The following TMEM67 variants were observed in gnomAD, a reference collection of about 807,000 sequenced individuals.
The protein encoded by TMEM67 is meckelin.
TMEM67 carries 124 observed loss-of-function variants against 136.6 expected under a neutral mutation model. That is an observed-to-expected ratio of 0.91 (90% CI 0.78 to 1.05). The LOEUF (loss-of-function observed/expected upper bound fraction) is 1.05, where lower values mean the gene tolerates loss of function less well. Ranked by LOEUF, TMEM67 falls within the 50% of genes least tolerant of loss-of-function variation. TMEM67 has a pLI of 0.00. For missense variants in TMEM67, 1,107 were observed against 1,178.4 expected (o/e 0.94, Z 0.89); for synonymous variants, 364 against 390.5 (o/e 0.93, Z 0.80).
At chr8:93,788,210 C>T (rs1196543934) in intron 14 of TMEM67, among the ~76,000 whole-genome samples, 1 of 152,068 alleles carries the variant, frequency 6.6e-6, no homozygotes, top group East Asian at 1.9e-4. Flanking sequence ...TGTTAGGGAT[C>T]CTGGGATATG....
Position 93,816,958 on chromosome 8 carries a change from G to A in TMEM67, c.*506G>A, listed in dbSNP as rs1309364324. 6.6e-6 allele frequency: 1 copy of A among 152,600 alleles called. No homozygotes were observed. Among genetic ancestry groups the A allele is most frequent in the African/African-American group, 2.4e-5 (1 of 41,424 alleles). The allele number at this position is 152,600 out of a possible 1,614,324, so 9.5% of individuals were successfully genotyped here. A position where few individuals can be genotyped will look rare whatever the true frequency, so the allele number is the denominator to read the frequency against. On this transcript the variant is annotated 3_prime_UTR_variant, in exon 28 of 28. Transcript: ENST00000453321. ...AATTGTATTATTGCTGATTCAATTT[G>A]CATCATTCTAATTGCTCATCCTCTT...
intron 3 of TMEM67, among the ~76,000 whole-genome samples, chr8:93,763,438 T>C (rs1414771460): frequency 6.6e-6 from 1 of 152,198 alleles, no homozygotes; most frequent in Non-Finnish European, 1.5e-5. Flanking sequence ...TAGATACTAC[T>C]AAAAGCCTTC....
At chr8:93,779,742 G>T (rs1206589573) in intron 7 of TMEM67, among the ~76,000 whole-genome samples, 2 of 152,146 alleles carry the variant, frequency 1.3e-5, no homozygotes, top group African/African-American at 4.8e-5. Context: ...CCTTCCTCTG[G>T]AAGCTTCGTC....
intron 18 of TMEM67, 31 bp downstream of exon 18, chr8:93,796,018 A>T (rs774338865): frequency 2.2e-6 from 3 of 1,393,574 alleles, no homozygotes; most frequent in Admixed American, 3.4e-5. Flanking sequence ...TACCAAATTT[A>T]AAAGGCCTGC....
intron 3 of TMEM67, among the ~76,000 whole-genome samples, 183 bp from the exon 4 acceptor site, chr8:93,763,659 C>T (rs1428053097): frequency 1.3e-5 from 2 of 151,916 alleles, no homozygotes; most frequent in African/African-American, 4.8e-5. Context: ...TGGACGGGTA[C>T]GAAGGGATCA....
chr8:93,786,552 A>T (rs892212783), intron 13 of TMEM67, among the ~76,000 whole-genome samples: 1 of 152,228 alleles, frequency 6.6e-6, no homozygotes, highest in Non-Finnish European at 1.5e-5. Context: ...AGTTAGGTCA[A>T]AATGCACATT....
intron 11 of TMEM67, among the ~76,000 whole-genome samples, chr8:93,783,616 C>T (rs1813951876): frequency 1.3e-5 from 2 of 152,096 alleles, no homozygotes. Flanking sequence ...TTAGTCCGTT[C>T]TCACGCTGCT....
chr8:93,797,019 C>A (rs758742352), intron 18 of TMEM67, 115 bp from the exon 19 acceptor site: 2 of 712,802 alleles, frequency 2.8e-6, no homozygotes, highest in Non-Finnish European at 5.0e-6. Context: ...TGAATTCACT[C>A]ATAAAATTAT....
intron 6 of TMEM67, among the ~76,000 whole-genome samples, chr8:93,771,631 G>C (rs1174785060): frequency 6.6e-6 from 1 of 152,130 alleles, no homozygotes; most frequent in African/African-American, 2.4e-5. Context: ...AATTTCCTAA[G>C]TGTTCCTAAA....
Position 93,795,972 on chromosome 8 carries a change from T to A in TMEM67, c.1845T>A (p.Cys615Ter), listed in dbSNP as rs1258492758. The change falls in exon 18 of 28, where the codon TGT becomes TGA. Residue 615 changes from cysteine (C) to a stop codon, truncating the protein, a stop_gained. Coordinates refer to ENST00000453321, the MANE Select transcript of TMEM67 (RefSeq NM_153704.6). LOFTEE classifies it high-confidence loss of function. ...AACGTTTTGTCACTTATGTTGGATG[T>A]GCCTTTGCTCTGAAGGTAAGTTTTA... ...QEERFVTYVG[C>*]AFALKALQFL... 4.3e-6 allele frequency: 7 copies of A among 1,612,908 alleles called. No homozygotes were observed. The highest frequency in any genetic ancestry group is 3.3e-5 in the Admixed American group (2 of 60,000).
At chr8:93,765,332 A>G in intron 4 of TMEM67, 74 bp from the exon 5 acceptor site, 5 of 1,230,812 alleles carry the variant, frequency 4.1e-6, no homozygotes, top group Non-Finnish European at 5.9e-6. Flanking sequence ...TCCATTGTTT[A>G]GAAAGACAGC....
At chr8:93,829,573 A>C in the TMEM67 span, among the ~76,000 whole-genome samples, 1 of 152,224 alleles carries the variant, frequency 6.6e-6, no homozygotes, top group Non-Finnish European at 1.5e-5. Flanking sequence ...ATAGGCTTAG[A>C]GCTGGTTGGC....
Position 93,803,628 on chromosome 8 carries a change from G to T in TMEM67, c.2266G>T (p.Glu756Ter). The part of the protein sequence containing the change: ...IQVVFFAVFY[E>*]RFIEDKIRQF... ...GGTCGTGTTCTTTGCTGTCTTTTAT[G>T]AGAGATTTATAGAAGATAAAATTCG... Residue 756 changes from glutamate (E) to a stop codon, truncating the protein, a stop_gained, in exon 22 of 28, where the codon GAG (glutamate) becomes TAG (stop). Transcript: ENST00000453321. LOFTEE classifies it high-confidence loss of function. 1 of 1,603,236 alleles carries T rather than the reference G, an allele frequency of 6.2e-7. No individual in the cohort carries two copies. Among genetic ancestry groups the T allele is most frequent in the Non-Finnish European group, 8.5e-7 (1 of 1,170,468 alleles).
At chr8:93,789,858 G>A (rs908515441) in intron 14 of TMEM67, among the ~76,000 whole-genome samples, 7 of 151,420 alleles carry the variant, frequency 4.6e-5, no homozygotes, top group African/African-American at 1.5e-4. Flanking sequence ...ATCAGTTGAG[G>A]TCAGGAGTTA....
chr8:93,792,618 G>C (rs971465857), intron 15 of TMEM67, among the ~76,000 whole-genome samples: 1 of 151,912 alleles, frequency 6.6e-6, no homozygotes, highest in Non-Finnish European at 1.5e-5. Context: ...AACTCCCTTT[G>C]CTCACATTAT....
In TMEM67 at chr8:93,797,173, A is replaced by G. The variant is rs746290518; in HGVS notation, c.1900A>G (p.Ile634Val). The G allele has an allele frequency of 1.1e-5, 17 of 1,612,678 alleles. No homozygotes were observed. The African/African-American group carries it at 1.7e-4, about 16-fold the overall frequency. The change falls in exon 19 of 28, where the codon ATA becomes GTA. Residue 634 changes from isoleucine to valine, a missense_variant. Physicochemically the swap from Ile to Val is conservative, Grantham distance 29 (BLOSUM62 3). Transcript: ENST00000453321. ...FLHKLISQIT[I>V]DVFFIDWERP... ...GCATAAGCTCATATCCCAGATTACA[A>G]TAGATGTATTCTTTATTGATTGGGA...
chr8:93,818,788 T>C (rs1165965220), downstream of TMEM67, among the ~76,000 whole-genome samples: 8 of 152,130 alleles, frequency 5.3e-5, no homozygotes, highest in African/African-American at 1.9e-4. Flanking sequence ...AGGATTAGTT[T>C]CGTGGGTGTG....
Position 93,784,584 on chromosome 8 carries a change from C to G in TMEM67, c.1132-638C>G, listed in dbSNP as rs145058039. ...ATAGGTATGTACAAGGTACTGATTC[C>G]TGGGGAAGTATAGAAAGGCTTCACA... On this transcript the variant is annotated intron_variant, in intron 11 of 27. Transcript: ENST00000453321. 2.8e-4 allele frequency among the ~76,000 whole-genome samples: 43 copies of G among 152,252 alleles called. No homozygotes were observed. In the East Asian group the frequency reaches 8.3e-3, roughly 29 times the overall value.
chr8:93,789,386 A>G (rs1814266832), intron 14 of TMEM67, among the ~76,000 whole-genome samples: 1 of 152,186 alleles, frequency 6.6e-6, no homozygotes, highest in African/African-American at 2.4e-5. Context: ...GTAACAACAA[A>G]AGACTGCCTG....
Sources: allele counts gnomAD v4.1 joint callset (sites outside exome capture counted in the v4.1 genomes callset), GRCh38; gene constraint gnomAD v4.1.1; transcripts MANE v1.5; gene names NCBI Gene and HGNC (gene_info 2026-07-23, HGNC 2026-07-21).